The following ZBTB46 variants were observed in gnomAD, a reference collection of about 807,000 sequenced individuals.
ZBTB46 encodes zinc finger and BTB domain-containing protein 46.
Under a neutral mutation model 44.1 loss-of-function variants are expected in ZBTB46, and 8 were observed. The observed-to-expected ratio is 0.18, with a 90% CI of 0.11 to 0.33. ZBTB46 has a LOEUF of 0.33. Among genes scored for constraint, ZBTB46 ranks in the 10% least tolerant of loss-of-function variants. ZBTB46 has a pLI of 1.00. For synonymous variants in ZBTB46, 409 were observed against 382.3 expected (o/e 1.07, Z -0.81); for missense variants, 651 against 847.7 (o/e 0.77, Z 2.88).
At chr20:63,809,970 A>AAAG (rs1555854890) in intron 1 of ZBTB46, among the ~76,000 whole-genome samples, 3 of 152,018 alleles carry the variant, frequency 2.0e-5, no homozygotes, top group African/African-American at 7.2e-5. Context: ...TCAAAAAAAA[A>AAAG]AAAAGAAAAG....
intron 1 of ZBTB46, chr20:63,808,179 G>C (rs1362975670): frequency 6.6e-6 from 1 of 152,660 alleles, no homozygotes; most frequent in Non-Finnish European, 1.5e-5. Flanking sequence ...CCAGATTACT[G>C]GATTTCACCA....
intron 3 of ZBTB46, among the ~76,000 whole-genome samples, chr20:63,765,725 C>CAGCCTGAAA (rs11086126): frequency 0.85 from 129,138 of 151,820 alleles, 55,474 homozygotes; most frequent in African/African-American, 0.95. Flanking sequence ...CCATTGCACC[C>CAGCCTGAAA]ACTTCATATG....
chr20:63,780,898 A>C (rs1272313585), intron 2 of ZBTB46, among the ~76,000 whole-genome samples: 4 of 151,762 alleles, frequency 2.6e-5, no homozygotes, highest in African/African-American at 9.7e-5. Context: ...TGGGAGGCCA[A>C]GGCGGGTGGA....
chr20:63,808,531 CG>C (rs1237117444), intron 1 of ZBTB46, among the ~76,000 whole-genome samples: 1 of 152,124 alleles, frequency 6.6e-6, no homozygotes, highest in Non-Finnish European at 1.5e-5. Flanking sequence ...GCCTGGGCTC[CG>C]GGGCAGTGTG....
rs1373629255 is a variant in ZBTB46 at position 63,803,157 on chromosome 20, G to A, written c.-33-12367C>T. On this transcript the variant is annotated intron_variant, in intron 1 of 4. Transcript: ENST00000245663. This position sits in a 1 kb window ranked among gnomAD's most constrained non-coding sequence, Gnocchi z 4.0. Reference sequence around the variant, plus strand: ...ACCAGGCGTGGGCACCATCCCCCAGGATGCCATCCAGGCAGGGACCAGTGT... The same window carrying A: ...ACCAGGCGTGGGCACCATCCCCCAGAATGCCATCCAGGCAGGGACCAGTGT... 3.3e-5 allele frequency among the ~76,000 whole-genome samples: 5 copies of A among 152,070 alleles called. No homozygotes were observed. The highest frequency in any genetic ancestry group is 1.5e-5 in the Non-Finnish European group (1 of 68,002).
intron 1 of ZBTB46, among the ~76,000 whole-genome samples, chr20:63,794,046 C>T (rs1196383088): frequency 2.6e-5 from 4 of 151,876 alleles, no homozygotes; most frequent in Admixed American, 6.6e-5. Flanking sequence ...ATTTGCTGGG[C>T]GTGATGGCGA....
At chr20:63,791,322 T>C (rs4456758) in intron 1 of ZBTB46, among the ~76,000 whole-genome samples, 64,527 of 151,634 alleles carry the variant, frequency 0.43, 14,093 homozygotes, top group East Asian at 0.55. Flanking sequence ...GGTGAAACCC[T>C]GTCTCTACTA....
intron 1 of ZBTB46, among the ~76,000 whole-genome samples, chr20:63,818,622 G>A (rs546744994): frequency 9.9e-5 from 15 of 152,160 alleles, no homozygotes; most frequent in Admixed American, 3.9e-4. Flanking sequence ...TTAGGATGCC[G>A]AGGCGGACAG....
At chr20:63,769,650 G>A (rs528302207) in intron 3 of ZBTB46, among the ~76,000 whole-genome samples, 67 of 152,128 alleles carry the variant, frequency 4.4e-4, no homozygotes, top group Non-Finnish European at 8.5e-4. Flanking sequence ...GGAGGAAGTC[G>A]GAGCGTGAAC....
rs534172506 is a variant in ZBTB46, at chr20:63,826,501, T to C, written c.-34+4596A>G. Among the ~76,000 whole-genome samples, 493 of 150,506 alleles carry C rather than the reference T, an allele frequency of 3.3e-3. 4 individuals carry two copies. The highest frequency in any genetic ancestry group is 0.012 in the African/African-American group (471 of 40,772). On this transcript the variant is annotated intron_variant, in intron 1 of 4. Coordinates refer to ENST00000245663, the MANE Select transcript of ZBTB46 (RefSeq NM_001369741.1). ...ACTTTGGGAGGCCGAGGCGGGTGAA[T>C]CATGAGGTCAGGAGATCGAGACCAT...
chr20:63,747,122 C>A lies in ZBTB46; in HGVS notation c.1578G>T (p.Ala526=). The A allele has an allele frequency of 6.2e-7, 1 of 1,610,238 alleles. No homozygotes were observed. Among genetic ancestry groups the A allele is most frequent in the South Asian group, 1.1e-5 (1 of 90,988 alleles). ...GATAGGGCCCGTCGCCTGGGAACAG[C>A]GCCTCTGGAGAGCCCTCGCCGCCTC... ...GGGGGEGSPE[A]LFPGDGPYLE... is the part of the protein sequence containing the mutation. Residue 526 remains alanine, a synonymous_variant, in exon 5 of 5, where the codon GCG becomes GCT. Transcript: ENST00000245663.
intron 3 of ZBTB46, among the ~76,000 whole-genome samples, chr20:63,774,500 C>A (rs1479245669): frequency 2.0e-5 from 3 of 152,136 alleles, no homozygotes; most frequent in African/African-American, 7.2e-5. Flanking sequence ...TGGACCCCAG[C>A]CGCGGAGGTG....
At chr20:63,772,203 C>T (rs2092380852) in intron 3 of ZBTB46, among the ~76,000 whole-genome samples, 1 of 151,656 alleles carries the variant, frequency 6.6e-6, no homozygotes, top group Non-Finnish European at 1.5e-5. Flanking sequence ...GCCATGTTGG[C>T]CAGGCTGGTC....
chr20:63,791,788 CAG>C (rs1310978672), intron 1 of ZBTB46, among the ~76,000 whole-genome samples: 2 of 152,198 alleles, frequency 1.3e-5, no homozygotes, highest in Non-Finnish European at 2.9e-5. Context: ...ACAGGACACA[CAG>C]AATCATTTCT....
At chr20:63,802,151 G>A (rs1001654819) in intron 1 of ZBTB46, among the ~76,000 whole-genome samples, 2 of 152,066 alleles carry the variant, frequency 1.3e-5, no homozygotes, top group African/African-American at 2.4e-5. Context: ...GGCTGGACAC[G>A]ATGGCTCACA....
chr20:63,747,539 G>GGGGGGCA (rs2092115082), intron 4 of ZBTB46, among the ~76,000 whole-genome samples: 2 of 128,638 alleles, frequency 1.6e-5, no homozygotes, highest in South Asian at 2.9e-4. Context: ...TGGTGGGTGG[G>GGGGGGCA]GGGGGTGCGG....
chr20:63,751,342 G>A (rs1248221648), intron 4 of ZBTB46, among the ~76,000 whole-genome samples: 1 of 152,150 alleles, frequency 6.6e-6, no homozygotes, highest in Non-Finnish European at 1.5e-5. Context: ...ACCTCGCAAA[G>A]GCAAATGTGG....
chr20:63,830,991 G>T (rs1439647512), intron 1 of ZBTB46, 106 bp downstream of exon 1: 1 of 142,352 alleles, frequency 7.0e-6, no homozygotes, highest in Middle Eastern at 3.5e-3. Context: ...CGGCGGGGGC[G>T]CGCCCGGGCT....
At chr20:63,802,983 C>T (rs2092658842) in intron 1 of ZBTB46, among the ~76,000 whole-genome samples, 1 of 152,226 alleles carries the variant, frequency 6.6e-6, no homozygotes, top group African/African-American at 2.4e-5. Context: ...TTTGACATGG[C>T]AGCCCCAGGT....
Sources: gnomAD v4.1 joint callset for allele counts (sites outside exome capture counted in the v4.1 genomes callset) on GRCh38, gnomAD v4.1.1 for gene constraint, Gnocchi (gnomAD v3.1) non-coding constraint, MANE v1.5 for transcripts, NCBI Gene and HGNC (gene_info 2026-07-23, HGNC 2026-07-21) for gene names.